RAB39A: variants seen among roughly 807,000 people sequenced by gnomAD.
RAB39A encodes ras-related protein Rab-39A.
Under a neutral mutation model 20.9 loss-of-function variants are expected in RAB39A, and 17 were observed. The observed-to-expected ratio is 0.81, with a 90% CI of 0.56 to 1.22. The LOEUF (loss-of-function observed/expected upper bound fraction) is 1.22, where lower values mean the gene tolerates loss of function less well. RAB39A is among the 50% of genes most tolerant of loss of function. RAB39A has a pLI of 0.00. For missense variants in RAB39A, 234 were observed against 270.5 expected (o/e 0.87, Z 0.95); for synonymous variants, 99 against 103.4 (o/e 0.96, Z 0.26).
At chr11:107,945,946 T>A (rs942659400) in intron 1 of RAB39A, among the ~76,000 whole-genome samples, 15 of 152,010 alleles carry the variant, frequency 9.9e-5, no homozygotes, top group African/African-American at 3.1e-4. Flanking sequence ...CTCCTCAGAG[T>A]GCTGGCAGTC....
At chr11:107,930,977 CTTT>C (rs752665818) in intron 1 of RAB39A, among the ~76,000 whole-genome samples, 1 of 141,920 alleles carries the variant, frequency 7.0e-6, no homozygotes. Flanking sequence ...TGTTTTTTAA[CTTT>C]TTTTTTTTTT....
intron 1 of RAB39A, among the ~76,000 whole-genome samples, chr11:107,937,053 G>C (rs1343501172): frequency 1.3e-5 from 2 of 152,148 alleles, no homozygotes; most frequent in African/African-American, 4.8e-5. Context: ...TTAATAGAAA[G>C]GTCAGCTATA....
chr11:107,962,476 AC>A lies in RAB39A; in HGVS notation c.*105del. On this transcript the variant is annotated 3_prime_UTR_variant, in exon 2 of 2. Transcript: ENST00000320578. The stretch of plus-strand genomic sequence containing the variant: ...TGCAATGAAAGAATTTAAAAAGGTT[AC>A]AAACCCACACCAATACTATTTTATA... 1 of 1,049,264 alleles carries A rather than the reference AC, an allele frequency of 9.5e-7. No individual in the cohort carries two copies. The highest frequency in any genetic ancestry group is 1.4e-6 in the Non-Finnish European group (1 of 736,418). 65.0% of individuals were successfully genotyped at this position (1,049,264 alleles called of 1,614,324 possible). A position where few individuals can be genotyped will look rare whatever the true frequency, so the allele number is the denominator to read the frequency against.
intron 1 of RAB39A, among the ~76,000 whole-genome samples, chr11:107,946,788 T>TA (rs907273589): frequency 2.5e-4 from 37 of 149,986 alleles, no homozygotes; most frequent in South Asian, 6.3e-4. Flanking sequence ...CTATTTTTTT[T>TA]AAAAAAAAGA....
At chr11:107,940,766 A>C (rs2134957620) in intron 1 of RAB39A, among the ~76,000 whole-genome samples, 1 of 152,090 alleles carries the variant, frequency 6.6e-6, no homozygotes, top group South Asian at 2.1e-4. Flanking sequence ...AGGTCAGGAG[A>C]CTGAGACCAT....
chr11:107,937,340 G>A (rs7102725), intron 1 of RAB39A, among the ~76,000 whole-genome samples: 140,802 of 152,004 alleles, frequency 0.93, 65,350 homozygotes, highest in Non-Finnish European at 0.96. Flanking sequence ...GGGTCTCGCT[G>A]TATTGCCCAG....
intron 1 of RAB39A, among the ~76,000 whole-genome samples, chr11:107,960,065 C>T (rs1430000204): frequency 3.9e-5 from 6 of 152,114 alleles, no homozygotes; most frequent in Non-Finnish European, 7.3e-5. Flanking sequence ...CAAAAATTAG[C>T]TGGGGGTGGT....
chr11:107,955,512 C>A (rs1861425302), intron 1 of RAB39A, among the ~76,000 whole-genome samples: 2 of 152,152 alleles, frequency 1.3e-5, no homozygotes, highest in African/African-American at 4.8e-5. Context: ...TTGGGTTTTC[C>A]ACTTAATGGA....
At position 107,960,484 on chromosome 11, in the gene RAB39A, A is replaced by T. The variant is rs539238956; in HGVS notation, c.228-1462A>T. Reference sequence around the variant, plus strand: ...CAGAAAAGGGGTAGAAGATATTCCAAATAGATAAAACAACATGTGGAGGGG... The same window carrying T: ...CAGAAAAGGGGTAGAAGATATTCCATATAGATAAAACAACATGTGGAGGGG... On this transcript the variant is annotated intron_variant, in intron 1 of 1. Coordinates refer to ENST00000320578, the MANE Select transcript of RAB39A (RefSeq NM_017516.3). 7.3e-4 allele frequency among the ~76,000 whole-genome samples: 111 copies of T among 152,330 alleles called. 2 individuals carry two copies. Among genetic ancestry groups the T allele is most frequent in the African/African-American group, 2.6e-3 (107 of 41,558 alleles).
intron 1 of RAB39A, among the ~76,000 whole-genome samples, chr11:107,937,953 A>C (rs996598999): frequency 1.3e-5 from 2 of 152,198 alleles, no homozygotes; most frequent in African/African-American, 4.8e-5. Context: ...TGGGTCAGAT[A>C]ATGTAAATGT....
At chr11:107,942,098 C>CAAAAAAAAA (rs10537482) in intron 1 of RAB39A, among the ~76,000 whole-genome samples, 2 of 83,750 alleles carry the variant, frequency 2.4e-5, no homozygotes, top group African/African-American at 9.9e-5. Flanking sequence ...GATTCCATCT[C>CAAAAAAAAA]AAAAAAAAAA....
At chr11:107,934,464 C>T (rs2134949779) in intron 1 of RAB39A, among the ~76,000 whole-genome samples, 1 of 152,174 alleles carries the variant, frequency 6.6e-6, no homozygotes, top group East Asian at 1.9e-4. Flanking sequence ...TCTATGATAA[C>T]TGGTGCTCTA....
chr11:107,948,268 A>C (rs1861338774), intron 1 of RAB39A, among the ~76,000 whole-genome samples: 1 of 152,226 alleles, frequency 6.6e-6, no homozygotes, highest in African/African-American at 2.4e-5. Context: ...ATTATTGAGA[A>C]GTACATGGAA....
At position 107,928,582 on chromosome 11, in the gene RAB39A, G is replaced by C; in HGVS notation, c.14G>C (p.Trp5Ser). The C allele has an allele frequency of 6.4e-7, 1 of 1,561,528 alleles. No individual in the cohort carries two copies. The highest frequency in any genetic ancestry group is 8.7e-7 in the Non-Finnish European group (1 of 1,144,270). ...GGCACGTGAGCGATGGAGACCATCT[G>C]GATCTACCAGTTCCGCCTCATCGTG... is the stretch of plus-strand genomic sequence containing the variant. METI[W>S]IYQFRLIVIG... Residue 5 changes from tryptophan to serine, a missense_variant, in exon 1 of 2, where the codon TGG (tryptophan) becomes TCG (serine). Coordinates refer to ENST00000320578, the MANE Select transcript of RAB39A (RefSeq NM_017516.3). This position sits in a 1 kb window ranked among gnomAD's most constrained non-coding sequence, Gnocchi z 4.9.
chr11:107,959,152 T>C (rs1355767353), intron 1 of RAB39A, among the ~76,000 whole-genome samples: 1 of 151,932 alleles, frequency 6.6e-6, no homozygotes, highest in African/African-American at 2.4e-5. Flanking sequence ...GAAAACATAG[T>C]ATTTCCTACA....
intron 1 of RAB39A, among the ~76,000 whole-genome samples, chr11:107,941,217 C>A (rs541572440): frequency 1.3e-5 from 2 of 152,098 alleles, no homozygotes; most frequent in Non-Finnish European, 1.5e-5. Context: ...ACTTCTCAGA[C>A]GACTTTTAAT....
intron 1 of RAB39A, among the ~76,000 whole-genome samples, chr11:107,946,181 A>T (rs1487624430): frequency 6.7e-6 from 1 of 149,496 alleles, no homozygotes; most frequent in Non-Finnish European, 1.5e-5. Flanking sequence ...AACAAACAGG[A>T]AACAGCAACT....
At chr11:107,957,329 A>G (rs1033745156) in intron 1 of RAB39A, among the ~76,000 whole-genome samples, 1 of 150,944 alleles carries the variant, frequency 6.6e-6, no homozygotes, top group Non-Finnish European at 1.5e-5. Flanking sequence ...TCAAAGGAGC[A>G]GGAGATTTTT....
chr11:107,955,051 C>A (rs1419364807), intron 1 of RAB39A, among the ~76,000 whole-genome samples: 1 of 121,040 alleles, frequency 8.3e-6, no homozygotes, highest in African/African-American at 3.2e-5. Context: ...GGCTGGAGTG[C>A]AGTGGCCCGA....
Sources: gnomAD v4.1 joint callset for allele counts (sites outside exome capture counted in the v4.1 genomes callset) on GRCh38, gnomAD v4.1.1 for gene constraint, Gnocchi (gnomAD v3.1) non-coding constraint, MANE v1.5 for transcripts, NCBI Gene and HGNC (gene_info 2026-07-23, HGNC 2026-07-21) for gene names.